The following MAST4 variants were observed in gnomAD, a reference collection of about 807,000 sequenced individuals.
The protein encoded by MAST4 is microtubule associated serine/threonine kinase family member 4.
MAST4 carries 89 observed loss-of-function variants against 162.7 expected under a neutral mutation model. That is an observed-to-expected ratio of 0.55 (90% CI 0.46 to 0.65). The LOEUF (loss-of-function observed/expected upper bound fraction) is 0.65, where lower values mean the gene tolerates loss of function less well. Ranked by LOEUF, MAST4 falls within the 30% of genes least tolerant of loss-of-function variation. MAST4 has a pLI of 0.00. For synonymous variants in MAST4, 1,479 were observed against 1,361.1 expected (o/e 1.09, Z -1.91); for missense variants, 3,153 against 3,374.0 (o/e 0.93, Z 1.62).
Position 66,936,177 on chromosome 5 carries a change from G to T in MAST4, c.674+36195G>T, listed in dbSNP as rs74462875. Among the ~76,000 whole-genome samples, 812 of 152,302 alleles carry T rather than the reference G, an allele frequency of 5.3e-3. 11 individuals carry two copies. Among genetic ancestry groups the T allele is most frequent in the African/African-American group, 0.019 (790 of 41,564 alleles). On this transcript the variant is annotated intron_variant, in intron 4 of 28. Transcript: ENST00000403625. The stretch of plus-strand genomic sequence containing the variant: ...TCAAAACGAGAAAGTGTGAATTTGC[G>T]TTGGGCAGGGTCATGTGTTTCAAAT...
At chr5:66,683,494 C>T (rs1748456311) in intron 1 of MAST4, among the ~76,000 whole-genome samples, 1 of 152,126 alleles carries the variant, frequency 6.6e-6, no homozygotes. Context: ...CTGTCCTGTC[C>T]TCTCTTAGTT....
At chr5:66,967,684 TAAA>T (rs549249080) in intron 4 of MAST4, among the ~76,000 whole-genome samples, 7 of 112,926 alleles carry the variant, frequency 6.2e-5, no homozygotes, top group African/African-American at 1.6e-4. Context: ...TCACACTCCT[TAAA>T]AAAAAAAAAA....
chr5:66,986,872 G>C (rs1390187345), intron 4 of MAST4, among the ~76,000 whole-genome samples: 1 of 152,016 alleles, frequency 6.6e-6, no homozygotes, highest in Non-Finnish European at 1.5e-5. Context: ...TCAGCCACCT[G>C]AGAAGCCAGG....
intron 5 of MAST4, among the ~76,000 whole-genome samples, chr5:67,073,484 A>AGG (rs764295383): frequency 2.0e-5 from 3 of 152,188 alleles, no homozygotes; most frequent in Non-Finnish European, 4.4e-5. Flanking sequence ...CCTCTTACGT[A>AGG]GGGAGGTTGC....
At chr5:66,616,208 C>T (rs935055911) in intron 1 of MAST4, among the ~76,000 whole-genome samples, 8 of 152,198 alleles carry the variant, frequency 5.3e-5, no homozygotes, top group Non-Finnish European at 7.3e-5. Flanking sequence ...AGAGGTCCGT[C>T]ACTTTATTAC....
intron 3 of MAST4, among the ~76,000 whole-genome samples, chr5:66,801,013 C>A (rs1276294979): frequency 1.3e-5 from 2 of 151,710 alleles, no homozygotes; most frequent in Non-Finnish European, 2.9e-5. Context: ...TCTTTTTTTG[C>A]CTTTGTCAAA....
rs570946086 is a variant in MAST4, at chr5:66,663,563, C to G, written c.363+66545C>G. Reference sequence around the variant, plus strand: ...AGTGAGGGGTGATTCACATGGATGTCAGGGGAAAGGGTGTTCAAGGCAGAG... The same window carrying G: ...AGTGAGGGGTGATTCACATGGATGTGAGGGGAAAGGGTGTTCAAGGCAGAG... On this transcript the variant is annotated intron_variant, in intron 1 of 28. Coordinates refer to ENST00000403625, the MANE Select transcript of MAST4 (RefSeq NM_001164664.2). Among the ~76,000 whole-genome samples, 12 of 152,128 alleles carry G rather than the reference C, an allele frequency of 7.9e-5. No homozygotes were observed. In the South Asian group the frequency reaches 2.5e-3, roughly 32 times the overall value.
chr5:66,788,578 G>T, intron 2 of MAST4, 92 bp from the exon 3 acceptor site: 1 of 1,378,836 alleles, frequency 7.3e-7, no homozygotes, highest in South Asian at 1.2e-5. Flanking sequence ...AACAAGGTTG[G>T]CCAGGAAGAG....
chr5:66,744,154 C>T (rs1224240140), intron 1 of MAST4, among the ~76,000 whole-genome samples: 2 of 152,158 alleles, frequency 1.3e-5, no homozygotes, highest in African/African-American at 4.8e-5. Flanking sequence ...CCCAGTGCCC[C>T]TCCATCCCCC....
In MAST4 at chr5:66,669,785, T is replaced by TG. The variant is rs531904680; in HGVS notation, c.363+72772dup. Among the ~76,000 whole-genome samples, 8 of 151,744 alleles carry TG rather than the reference T, an allele frequency of 5.3e-5. No individual in the cohort carries two copies. The East Asian group carries it at 1.6e-3, about 29-fold the overall frequency. On this transcript the variant is annotated intron_variant, in intron 1 of 28. Coordinates refer to ENST00000403625, the MANE Select transcript of MAST4 (RefSeq NM_001164664.2). ...GAGAGAGTGAGAAGTACAGTGAGGGTGGGGGTGTGGAGGAAGGAGTTTTGC... is the reference window on the plus strand; with the variant it reads ...GAGAGAGTGAGAAGTACAGTGAGGGTGGGGGGTGTGGAGGAAGGAGTTTTGC...
At position 67,145,334 on chromosome 5, in the gene MAST4, G is replaced by A; in HGVS notation, c.3049G>A (p.Glu1017Lys). The A allele has an allele frequency of 6.2e-7, 1 of 1,613,360 alleles. No individual in the cohort carries two copies. The highest frequency in any genetic ancestry group is 8.5e-7 in the Non-Finnish European group (1 of 1,179,874). The change falls in exon 23 of 29, where the codon GAG becomes AAG. Residue 1017 changes from glutamate to lysine, a missense_variant. Physicochemically the swap from Glu to Lys is moderately conservative, Grantham distance 56. This residue lies in a region of MAST4 where 619 missense variants were observed against 744.2 expected (regional missense o/e 0.83). Transcript: ENST00000403625. ...PPEECAQEEP[E>K]VTTPASTISS... is the part of the protein sequence containing the mutation. ...TGAAGAGTGTGCCCAGGAGGAGCCT[G>A]AGGTCACCACCCCAGCCAGCACCAT...
chr5:66,889,084 G>C (rs148004689), intron 3 of MAST4, among the ~76,000 whole-genome samples: 3 of 152,168 alleles, frequency 2.0e-5, no homozygotes, highest in Non-Finnish European at 4.4e-5. Flanking sequence ...TGATTCTAGG[G>C]AATTGGACCC....
chr5:66,634,268 A>G (rs1249042779), intron 1 of MAST4, among the ~76,000 whole-genome samples: 1 of 152,172 alleles, frequency 6.6e-6, no homozygotes, highest in Non-Finnish European at 1.5e-5. Context: ...CATGTTTGTC[A>G]GGCTGGTCTT....
At chr5:66,816,353 G>A (rs569960767) in intron 3 of MAST4, among the ~76,000 whole-genome samples, 1 of 152,212 alleles carries the variant, frequency 6.6e-6, no homozygotes, top group African/African-American at 2.4e-5. Context: ...ACGGCCACAG[G>A]AATCAGTGCT....
chr5:66,718,737 C>T (rs565365251), intron 1 of MAST4, among the ~76,000 whole-genome samples: 3 of 152,318 alleles, frequency 2.0e-5, no homozygotes, highest in South Asian at 2.1e-4. Context: ...TGTAAAGCTT[C>T]GTTATCCTCC....
rs181260901 is a variant in MAST4, at chr5:66,735,348, A to G, written c.364-24361A>G. Reference sequence around the variant, plus strand: ...TTCATGCAGGTTTCATTTTAGTTCAATTACTATTGCTTGTAAAAAGTGATA... The same window carrying G: ...TTCATGCAGGTTTCATTTTAGTTCAGTTACTATTGCTTGTAAAAAGTGATA... On this transcript the variant is annotated intron_variant, in intron 1 of 28. Transcript: ENST00000403625. 5.8e-3 allele frequency among the ~76,000 whole-genome samples: 890 copies of G among 152,304 alleles called. 8 individuals are homozygous for G. Among genetic ancestry groups the G allele is most frequent in the South Asian group, 0.056 (272 of 4,820 alleles).
chr5:67,085,199 T>G (rs1221778818), intron 5 of MAST4, among the ~76,000 whole-genome samples: 1 of 152,198 alleles, frequency 6.6e-6, no homozygotes, highest in African/African-American at 2.4e-5. Flanking sequence ...TCTTGAAGTC[T>G]TCTTTGTGTT....
At chr5:66,812,015 A>C (rs997552202) in intron 3 of MAST4, among the ~76,000 whole-genome samples, 1 of 152,190 alleles carries the variant, frequency 6.6e-6, no homozygotes, top group Non-Finnish European at 1.5e-5. Context: ...TGATGGCTGT[A>C]AACTGCTTCT....
chr5:66,971,222 G>A (rs1747396864), intron 4 of MAST4, among the ~76,000 whole-genome samples: 3 of 152,170 alleles, frequency 2.0e-5, no homozygotes, highest in African/African-American at 4.8e-5. Flanking sequence ...TAAGGAGCAT[G>A]TTTTGACTTG....
Sources: allele counts gnomAD v4.1 joint callset (sites outside exome capture counted in the v4.1 genomes callset), GRCh38; gene constraint gnomAD v4.1.1; regional missense constraint gnomAD v4.1.1; transcripts MANE v1.5; gene names NCBI Gene and HGNC (gene_info 2026-07-23, HGNC 2026-07-21).